Variants in HIVEP3 observed in about 807,000 individuals in gnomAD.
HIVEP3 encodes transcription factor HIVEP3.
In HIVEP3, 49 loss-of-function variants were observed where a neutral mutation model predicts 152.8. The observed-to-expected ratio is 0.32, with a 90% CI of 0.26 to 0.41. HIVEP3 has a LOEUF of 0.41. HIVEP3 is among the 10% of genes least tolerant of loss of function. The pLI is 1.00. For missense variants in HIVEP3, 2,790 were observed against 3,103.3 expected (o/e 0.90, Z 2.40); for synonymous variants, 1,269 against 1,289.0 (o/e 0.98, Z 0.33).
At chr1:42,007,358 G>A (rs184229107) in intron 1 of HIVEP3, among the ~76,000 whole-genome samples, 40 of 152,256 alleles carry the variant, frequency 2.6e-4, no homozygotes, top group Admixed American at 2.2e-3. Flanking sequence ...ATTTTTGTTC[G>A]GTTGGTTCAG....
rs1028972509 is a variant in HIVEP3 at position 41,506,883 on chromosome 1, C to T, written c.*3568G>A. 7 of 108,646 alleles carry T rather than the reference C, an allele frequency of 6.4e-5. No individual in the cohort carries two copies. The highest frequency in any genetic ancestry group is 2.4e-4 in the Admixed American group (2 of 8,504). The allele number at this position is 108,646 out of a possible 1,614,324, so 6.7% of individuals were successfully genotyped here. A position where few individuals can be genotyped will look rare whatever the true frequency, so the allele number is the denominator to read the frequency against. ...GCATTGTATTTTACATTTGCCTGCA[C>T]GTTTCTTTTTTCTGTTTCTTTTCTT... On this transcript the variant is annotated 3_prime_UTR_variant, in exon 9 of 9. Coordinates refer to ENST00000372583, the MANE Select transcript of HIVEP3 (RefSeq NM_024503.5).
At chr1:41,834,336 C>A (rs1425761601) in intron 1 of HIVEP3, among the ~76,000 whole-genome samples, 1 of 152,172 alleles carries the variant, frequency 6.6e-6, no homozygotes, top group East Asian at 1.9e-4. Context: ...CCATGCCCTC[C>A]CCAAGAGGAC....
At chr1:41,768,446 G>A (rs1478874529) in intron 1 of HIVEP3, among the ~76,000 whole-genome samples, 1 of 152,186 alleles carries the variant, frequency 6.6e-6, no homozygotes, top group East Asian at 1.9e-4. Flanking sequence ...TGATATTTGG[G>A]TGGGGACACA....
At chr1:41,781,068 G>T (rs1432659692) in intron 1 of HIVEP3, among the ~76,000 whole-genome samples, 2 of 152,178 alleles carry the variant, frequency 1.3e-5, no homozygotes, top group Non-Finnish European at 2.9e-5. Context: ...AAACAAACAG[G>T]GTTGTGCAGT....
chr1:42,027,105 T>C (rs763945899), intron 1 of HIVEP3, among the ~76,000 whole-genome samples: 2 of 152,240 alleles, frequency 1.3e-5, no homozygotes, highest in Admixed American at 6.5e-5. Context: ...TGCTTTTGAA[T>C]GTTTCTAGGA....
intron 3 of HIVEP3, among the ~76,000 whole-genome samples, chr1:41,599,448 C>T (rs1326099845): frequency 2.6e-5 from 4 of 152,208 alleles, no homozygotes; most frequent in African/African-American, 7.2e-5. Context: ...TTCTGTTCAA[C>T]AAAGACTCTA....
At chr1:41,888,456 A>G (rs1276943947) in intron 1 of HIVEP3, among the ~76,000 whole-genome samples, 1 of 151,628 alleles carries the variant, frequency 6.6e-6, no homozygotes, top group Non-Finnish European at 1.5e-5. Flanking sequence ...GAGAGAGGAG[A>G]AGGAGGAGAA....
chr1:41,670,447 C>G (rs1325457819), intron 2 of HIVEP3, among the ~76,000 whole-genome samples: 3 of 152,114 alleles, frequency 2.0e-5, no homozygotes, highest in Non-Finnish European at 4.4e-5. Flanking sequence ...CACTCTGTAA[C>G]ACATGTTCAG....
chr1:41,639,919 G>A (rs1262245275), intron 2 of HIVEP3, among the ~76,000 whole-genome samples: 2 of 152,202 alleles, frequency 1.3e-5, no homozygotes, highest in Non-Finnish European at 2.9e-5. Flanking sequence ...GACAAGACCT[G>A]CTTTGAGGAT....
chr1:41,840,531 G>A (rs1204274857), intron 1 of HIVEP3, among the ~76,000 whole-genome samples: 3 of 152,154 alleles, frequency 2.0e-5, no homozygotes, highest in Non-Finnish European at 2.9e-5. Context: ...CTGGCCTCCA[G>A]AACCATGAAA....
chr1:41,999,155 A>T (rs1645412941), intron 1 of HIVEP3, among the ~76,000 whole-genome samples: 1 of 151,964 alleles, frequency 6.6e-6, no homozygotes, highest in South Asian at 2.1e-4. Flanking sequence ...CAGCCTCCCA[A>T]AGTGCTGAGA....
At chr1:41,960,530 C>T (rs1212591735) in intron 1 of HIVEP3, among the ~76,000 whole-genome samples, 1 of 152,192 alleles carries the variant, frequency 6.6e-6, no homozygotes, top group Non-Finnish European at 1.5e-5. Context: ...ACCTGTATGG[C>T]ACATCTCACA....
intron 1 of HIVEP3, among the ~76,000 whole-genome samples, chr1:41,949,387 C>T (rs1290505842): frequency 6.6e-6 from 1 of 152,228 alleles, no homozygotes; most frequent in East Asian, 1.9e-4. Context: ...TGGAATGGGT[C>T]ACTGACTTCC....
At chr1:41,898,971 A>G (rs912346372) in intron 1 of HIVEP3, among the ~76,000 whole-genome samples, 6 of 152,236 alleles carry the variant, frequency 3.9e-5, no homozygotes, top group African/African-American at 1.4e-4. Flanking sequence ...GTTCAGCCCC[A>G]TGGGCTGGCA....
At chr1:41,925,150 CAAACAAA>C (rs1644961569) in intron 1 of HIVEP3, among the ~76,000 whole-genome samples, 1 of 152,110 alleles carries the variant, frequency 6.6e-6, no homozygotes, top group Non-Finnish European at 1.5e-5. Flanking sequence ...CAAAACAAAA[CAAACAAA>C]AAACAGAAAA....
chr1:41,765,897 C>T (rs732552), intron 1 of HIVEP3, among the ~76,000 whole-genome samples: 1 of 152,018 alleles, frequency 6.6e-6, no homozygotes. Context: ...CGGGGAGCAC[C>T]CCTGTCTGGG....
chr1:41,710,638 G>A (rs866937315), intron 1 of HIVEP3, among the ~76,000 whole-genome samples: 2 of 152,100 alleles, frequency 1.3e-5, no homozygotes, highest in Admixed American at 6.5e-5. Context: ...AAGAGCCCCC[G>A]CCCAGGCTTC....
intron 1 of HIVEP3, among the ~76,000 whole-genome samples, chr1:41,713,530 G>A (rs935529835): frequency 1.3e-5 from 2 of 152,206 alleles, no homozygotes; most frequent in Non-Finnish European, 2.9e-5. Context: ...TTATGTAAAT[G>A]AGGATAATCA....
At position 41,582,272 on chromosome 1, in the gene HIVEP3, G is replaced by C. The variant is rs778372036; in HGVS notation, c.2526C>G (p.Ser842=). The C allele has an allele frequency of 1.9e-6, 3 of 1,614,064 alleles. No individual in the cohort carries two copies. The highest frequency in any genetic ancestry group is 2.5e-6 in the Non-Finnish European group (3 of 1,179,946). ...PPAPHGRSAH[S]LQPKLVRQPN... ...GCTGGCGGACCAACTTAGGCTGCAG[G>C]GAGTGAGCAGAGCGTCCGTGTGGGG... The change falls in exon 4 of 9, where the codon TCC becomes TCG. Residue 842 remains serine, a synonymous_variant. Coordinates refer to ENST00000372583, the MANE Select transcript of HIVEP3 (RefSeq NM_024503.5). The surrounding 1 kb of genome is among the most constrained non-coding windows in gnomAD (Gnocchi z 4.7).
Sources: allele counts gnomAD v4.1 joint callset (sites outside exome capture counted in the v4.1 genomes callset), GRCh38; gene constraint gnomAD v4.1.1; non-coding constraint Gnocchi (gnomAD v3.1); transcripts MANE v1.5; gene names NCBI Gene and HGNC (gene_info 2026-07-23, HGNC 2026-07-21).